The following PRELID3A variants were observed in gnomAD, a reference collection of about 807,000 sequenced individuals.
PRELID3A encodes PRELI domain containing protein 3A.
A neutral mutation model predicts 23.0 loss-of-function variants in PRELID3A; 27 were observed. The observed-to-expected ratio is 1.17, with a 90% CI of 0.87 to 1.62. The LOEUF is 1.62. Ranked by LOEUF, PRELID3A falls within the 40% of genes most tolerant of loss-of-function variation. PRELID3A has a pLI of 0.00. For missense variants in PRELID3A, 231 were observed against 231.4 expected, an observed-to-expected ratio of 1.00 and a Z score of 0.01; for synonymous variants, 87 against 86.4, an observed-to-expected ratio of 1.01 and a Z score of -0.04.
At position 12,408,014 on chromosome 18, in the gene PRELID3A, C is replaced by G. The variant is rs1909776510; in HGVS notation, c.32+7C>G. ...GCTCGGAGCACGTGTTTGGGTGAGG[C>G]CGGGCTGAGGGCCGCGGTGGGGCCG... On this transcript the variant is annotated splice_region_variant and intron_variant, in intron 1 of 6. Transcript: ENST00000440960. 1 of 1,274,428 alleles carries G rather than the reference C, an allele frequency of 7.8e-7. No homozygotes were observed. The highest frequency in any genetic ancestry group is 3.1e-5 in the East Asian group (1 of 31,946). The allele number at this position is 1,274,428 out of a possible 1,614,324, so 78.9% of individuals were successfully genotyped here. A position where few individuals can be genotyped will look rare whatever the true frequency, so the allele number is the denominator to read the frequency against.
intron 1 of PRELID3A, among the ~76,000 whole-genome samples, chr18:12,415,656 A>G (rs1284832630): frequency 6.6e-6 from 1 of 152,218 alleles, no homozygotes; most frequent in African/African-American, 2.4e-5. Context: ...CCAGCTTAAC[A>G]GTTACCCTCT....
Position 12,426,717 on chromosome 18 carries a change from T to G in PRELID3A, c.292-324T>G, listed in dbSNP as rs2030392577. ...GGCTGCCATGGGTAGGTGAAAAGCTTTCTCTCACTTATATGGACACACAGG... is the reference window on the plus strand; with the variant it reads ...GGCTGCCATGGGTAGGTGAAAAGCTGTCTCTCACTTATATGGACACACAGG... On this transcript the variant is annotated intron_variant, in intron 3 of 6. Coordinates refer to ENST00000440960, the MANE Select transcript of PRELID3A (RefSeq NM_001142405.2). Among the ~76,000 whole-genome samples, 2 of 152,092 alleles carry G rather than the reference T, an allele frequency of 1.3e-5. 1 individual carries two copies. The highest frequency in any genetic ancestry group is 4.1e-4 in the South Asian group (2 of 4,822).
chr18:12,426,383 T>C (rs905618434), intron 3 of PRELID3A, among the ~76,000 whole-genome samples: 8 of 148,482 alleles, frequency 5.4e-5, no homozygotes, highest in East Asian at 2.0e-4. Context: ...TGAAACTCCG[T>C]CTCTACTAAA....
intron 1 of PRELID3A, among the ~76,000 whole-genome samples, chr18:12,416,697 G>A (rs1160121962): frequency 6.8e-6 from 1 of 147,708 alleles, no homozygotes; most frequent in African/African-American, 2.5e-5. Context: ...CCAGGGTGGA[G>A]TGCAGTGGCA....
chr18:12,424,984 A>T (rs1279098770), intron 3 of PRELID3A, among the ~76,000 whole-genome samples: 21 of 152,126 alleles, frequency 1.4e-4, no homozygotes, highest in Admixed American at 1.3e-3. Context: ...CTCTACTAAA[A>T]ATACAAAAAT....
intron 1 of PRELID3A, among the ~76,000 whole-genome samples, chr18:12,408,313 G>C (rs1033222112): frequency 4.0e-5 from 6 of 151,352 alleles, no homozygotes; most frequent in African/African-American, 1.5e-4. Flanking sequence ...GCCGGAGCGG[G>C]GGCGGCCGGG....
intron 5 of PRELID3A, among the ~76,000 whole-genome samples, chr18:12,428,369 C>T (rs937868860): frequency 6.6e-6 from 1 of 152,204 alleles, no homozygotes; most frequent in Non-Finnish European, 1.5e-5. Context: ...TTCACCTGGG[C>T]CCGCCTCACA....
At chr18:12,428,042 T>C (rs2030436055) in intron 5 of PRELID3A, among the ~76,000 whole-genome samples, 1 of 152,228 alleles carries the variant, frequency 6.6e-6, no homozygotes. Flanking sequence ...TAGTTTCCTA[T>C]TTAATGGGCA....
intron 1 of PRELID3A, chr18:12,420,001 C>T (rs551463634): frequency 3.7e-6 from 2 of 538,060 alleles, no homozygotes; most frequent in African/African-American, 2.0e-5. Context: ...CAAGAGGAGG[C>T]TGAGGCAGGA....
intron 1 of PRELID3A, among the ~76,000 whole-genome samples, chr18:12,412,525 A>G (rs941366644): frequency 1.3e-5 from 2 of 152,234 alleles, no homozygotes; most frequent in Non-Finnish European, 2.9e-5. Context: ...TGAGATGTCT[A>G]TAGATGTCTA....
At chr18:12,422,791 C>A (rs936516752) in intron 3 of PRELID3A, among the ~76,000 whole-genome samples, 1 of 152,168 alleles carries the variant, frequency 6.6e-6, no homozygotes, top group Non-Finnish European at 1.5e-5. Context: ...TTATTTATTT[C>A]AAAAAATAAT....
At chr18:12,416,880 C>T (rs1031830574) in intron 1 of PRELID3A, among the ~76,000 whole-genome samples, 4 of 151,970 alleles carry the variant, frequency 2.6e-5, no homozygotes, top group South Asian at 4.2e-4. Context: ...CTCCTGACCT[C>T]GCGATCCACC....
At chr18:12,411,422 C>T (rs773202567) in intron 1 of PRELID3A, among the ~76,000 whole-genome samples, 106 of 145,992 alleles carry the variant, frequency 7.3e-4, no homozygotes, top group African/African-American at 2.3e-3. Context: ...GCCGAGATCG[C>T]GCCACTGCAC....
At chr18:12,423,174 G>A (rs1181006875) in intron 3 of PRELID3A, among the ~76,000 whole-genome samples, 2 of 152,180 alleles carry the variant, frequency 1.3e-5, no homozygotes, top group East Asian at 1.9e-4. Context: ...AACAGATGGC[G>A]TTAGAGACTA....
At chr18:12,420,905 C>G (rs2030157497) in intron 2 of PRELID3A, among the ~76,000 whole-genome samples, 1 of 151,986 alleles carries the variant, frequency 6.6e-6, no homozygotes, top group Admixed American at 6.5e-5. Context: ...CCCGGGCCTG[C>G]TGGATTAGCA....
intron 6 of PRELID3A, among the ~76,000 whole-genome samples, chr18:12,430,032 C>T (rs530177930): frequency 2.6e-5 from 4 of 152,254 alleles, no homozygotes; most frequent in African/African-American, 4.8e-5. Flanking sequence ...GGGGAGGACG[C>T]GCCTCCCACC....
chr18:12,419,286 A>G (rs1229914384), intron 1 of PRELID3A, among the ~76,000 whole-genome samples: 4 of 147,138 alleles, frequency 2.7e-5, no homozygotes, highest in Non-Finnish European at 4.4e-5. Flanking sequence ...AGACAGAGCC[A>G]TTGCACTCCA....
rs147929465 is a variant in PRELID3A at position 12,417,242 on chromosome 18, C to T, written c.33-3083C>T. 3.5e-3 allele frequency among the ~76,000 whole-genome samples: 525 copies of T among 152,168 alleles called. 9 individuals are homozygous for T. Among genetic ancestry groups the T allele is most frequent in the East Asian group, 0.018 (94 of 5,170 alleles). On this transcript the variant is annotated intron_variant, in intron 1 of 6. Coordinates refer to ENST00000440960, the MANE Select transcript of PRELID3A (RefSeq NM_001142405.2). Reference sequence around the variant, plus strand: ...AGACTGGAGTGCAGTGGCGCGATCTCGGCTCACTGCAACTTCCACCTCCTG... The same window carrying T: ...AGACTGGAGTGCAGTGGCGCGATCTTGGCTCACTGCAACTTCCACCTCCTG...
At chr18:12,418,642 C>T (rs1484767401) in intron 1 of PRELID3A, among the ~76,000 whole-genome samples, 2 of 152,202 alleles carry the variant, frequency 1.3e-5, no homozygotes, top group African/African-American at 4.8e-5. Context: ...AATGTTTGTC[C>T]TTGCAGGAGG....
Sources: allele counts gnomAD v4.1 joint callset (sites outside exome capture counted in the v4.1 genomes callset), GRCh38; gene constraint gnomAD v4.1.1; transcripts MANE v1.5; gene names NCBI Gene and HGNC (gene_info 2026-07-23, HGNC 2026-07-21).